PTX3: variants seen among roughly 807,000 people sequenced by gnomAD.
The protein encoded by PTX3 is pentraxin-related protein PTX3.
PTX3 carries 24 observed loss-of-function variants against 23.5 expected under a neutral mutation model. That is an observed-to-expected ratio of 1.02 (90% CI 0.74 to 1.43). The LOEUF is 1.43. Ranked by LOEUF, PTX3 falls within the 40% of genes most tolerant of loss-of-function variation. PTX3 has a pLI of 0.00. For synonymous variants in PTX3, 218 were observed against 205.4 expected, an observed-to-expected ratio of 1.06 and a Z score of -0.53; for missense variants, 510 against 497.5, an observed-to-expected ratio of 1.02 and a Z score of -0.24.
chr3:157,442,035 T>A lies in PTX3; in HGVS notation c.533-331T>A, dbSNP rs4028388. Reference sequence around the variant, plus strand: ...TTAACTGATAGTGATTCAACTTTTTTAAAAAAAAGCAGTAACAAAGAAAAT... The same window carrying A: ...TTAACTGATAGTGATTCAACTTTTTAAAAAAAAAGCAGTAACAAAGAAAAT... On this transcript the variant is annotated intron_variant, in intron 2 of 2. Coordinates refer to ENST00000295927, the MANE Select transcript of PTX3 (RefSeq NM_002852.4). Among the ~76,000 whole-genome samples, 1,119 of 152,074 alleles carry A rather than the reference T, an allele frequency of 7.4e-3. 14 individuals carry two copies. Among genetic ancestry groups the A allele is most frequent in the African/African-American group, 0.025 (1,041 of 41,480 alleles).
chr3:157,443,180 A>G lies in PTX3; in HGVS notation c.*201A>G. 2 of 581,138 alleles carry G rather than the reference A, an allele frequency of 3.4e-6. No homozygotes were observed. The allele number at this position is 581,138 out of a possible 1,614,324, so 36.0% of individuals were successfully genotyped here. ...ACATTGGAAAAAGCTTTTGAGGATA[A>G]TGTTACTAGACTTTATGCCATGGTG... On this transcript the variant is annotated 3_prime_UTR_variant, in exon 3 of 3. Coordinates refer to ENST00000295927, the MANE Select transcript of PTX3 (RefSeq NM_002852.4).
Position 157,437,664 on chromosome 3 carries a change from G to C in PTX3, c.282G>C (p.Arg94=). The C allele has an allele frequency of 6.5e-7, 1 of 1,540,678 alleles. No individual in the cohort carries two copies. The highest frequency in any genetic ancestry group is 8.7e-7 in the Non-Finnish European group (1 of 1,146,502). Residue 94 remains arginine, a synonymous_variant, in exon 2 of 3, where the codon CGG becomes CGC. Coordinates refer to ENST00000295927, the MANE Select transcript of PTX3 (RefSeq NM_002852.4). The part of the protein sequence containing the change: ...ELQRLREELG[R]LAESLARPCA... The stretch of plus-strand genomic sequence containing the variant: ...AGAGGCTGCGGGAGGAGCTGGGCCG[G>C]CTCGCGGAAAGCCTGGCGAGGCCGT...
Position 157,442,964 on chromosome 3 carries a change from T to A in PTX3, c.1131T>A (p.Ala377=). The stretch of plus-strand genomic sequence containing the variant: ...CAGAGATCCAGCCACATGGAGGAGC[T>A]CAGTATGTTTCATAAATGTTGTGAA... The part of the protein sequence containing the change: ...GVTEIQPHGG[A]QYVS The change falls in exon 3 of 3, where the codon GCT becomes GCA. Residue 377 remains alanine (A), a synonymous_variant. Transcript: ENST00000295927. 1 of 1,598,030 alleles carries A rather than the reference T, an allele frequency of 6.3e-7. No homozygotes were observed. Among genetic ancestry groups the A allele is most frequent in the Non-Finnish European group, 8.5e-7 (1 of 1,171,738 alleles).
chr3:157,437,933 C>T lies in PTX3; in HGVS notation c.532+19C>T. The T allele has an allele frequency of 6.5e-7, 1 of 1,526,912 alleles. No individual in the cohort carries two copies. The highest frequency in any genetic ancestry group is 8.7e-7 in the Non-Finnish European group (1 of 1,144,610). The allele number at this position is 1,526,912 out of a possible 1,614,324, so 94.6% of individuals were successfully genotyped here. A position where few individuals can be genotyped will look rare whatever the true frequency, so the allele number is the denominator to read the frequency against. On this transcript the variant is annotated intron_variant, in intron 2 of 2. Transcript: ENST00000295927. ...CCGGCAGGTAAGGAGGCAAGCGGGG[C>T]CGGGACCTCCCACTGCGGCTTTGTT...
At position 157,442,913 on chromosome 3, in the gene PTX3, G is replaced by A. The variant is rs1734253111; in HGVS notation, c.1080G>A (p.Arg360=). ...ETGGAESCHI[R]GNIVGWGVTE... is the part of the protein sequence containing the mutation. ...GAGGAGCAGAGTCTTGTCACATCCG[G>A]GGGAATATTGTTGGGTGGGGAGTCA... Residue 360 remains arginine, a synonymous_variant, in exon 3 of 3, where the codon CGG becomes CGA. Coordinates refer to ENST00000295927, the MANE Select transcript of PTX3 (RefSeq NM_002852.4). 1 of 1,613,952 alleles carries A rather than the reference G, an allele frequency of 6.2e-7. No homozygotes were observed. The highest frequency in any genetic ancestry group is 1.3e-5 in the African/African-American group (1 of 74,922).
Position 157,436,861 on chromosome 3 carries a change from C to G in PTX3, c.-73C>G. 1 of 1,531,988 alleles carries G rather than the reference C, an allele frequency of 6.5e-7. No homozygotes were observed. The highest frequency in any genetic ancestry group is 8.9e-7 in the Non-Finnish European group (1 of 1,124,316). 94.9% of individuals were successfully genotyped at this position (1,531,988 alleles called of 1,614,324 possible). ...TGCTCCAGCCTCTCACTCTCACTCT[C>G]CTCCGCTCAAACTCAGCTCACTTGA... On this transcript the variant is annotated 5_prime_UTR_variant, in exon 1 of 3. Coordinates refer to ENST00000295927, the MANE Select transcript of PTX3 (RefSeq NM_002852.4).
chr3:157,443,168 C>G lies in PTX3; in HGVS notation c.*189C>G. The G allele has an allele frequency of 1.5e-6, 1 of 652,008 alleles. No homozygotes were observed. The highest frequency in any genetic ancestry group is 2.8e-5 in the South Asian group (1 of 35,418). 40.4% of individuals were successfully genotyped at this position (652,008 alleles called of 1,614,324 possible). A position where few individuals can be genotyped will look rare whatever the true frequency, so the allele number is the denominator to read the frequency against. Reference sequence around the variant, plus strand: ...GTTGAAGGAAAGACATTGGAAAAAGCTTTTGAGGATAATGTTACTAGACTT... The same window carrying G: ...GTTGAAGGAAAGACATTGGAAAAAGGTTTTGAGGATAATGTTACTAGACTT... On this transcript the variant is annotated 3_prime_UTR_variant, in exon 3 of 3. Coordinates refer to ENST00000295927, the MANE Select transcript of PTX3 (RefSeq NM_002852.4).
Position 157,442,856 on chromosome 3 carries a change from T to G in PTX3, c.1023T>G (p.Ser341Arg). 1 of 1,614,134 alleles carries G rather than the reference T, an allele frequency of 6.2e-7. No individual in the cohort carries two copies. The stretch of plus-strand genomic sequence containing the variant: ...TCACAGGCTTCAATATCTGGGATAG[T>G]GTTCTTAGCAATGAAGAGATAAGAG... ...GRLTGFNIWD[S>R]VLSNEEIRET... Residue 341 changes from serine to arginine, a missense_variant, in exon 3 of 3, where the codon AGT becomes AGG. Physicochemically the swap from Ser to Arg is moderately radical, Grantham distance 110 (BLOSUM62 -1). Transcript: ENST00000295927.
chr3:157,443,015 A>C lies in PTX3; in HGVS notation c.*36A>C. ...ACTCCACTTGAAGCCAAAGAAAGAA[A>C]CTCACACTTAAAACACATGCCAGTT... On this transcript the variant is annotated 3_prime_UTR_variant, in exon 3 of 3. Transcript: ENST00000295927. 1 of 1,558,726 alleles carries C rather than the reference A, an allele frequency of 6.4e-7. No homozygotes were observed. The highest frequency in any genetic ancestry group is 8.7e-7 in the Non-Finnish European group (1 of 1,155,186).
chr3:157,438,039 A>C, intron 2 of PTX3, 125 bp downstream of exon 2: 1 of 436,400 alleles, frequency 2.3e-6, no homozygotes, highest in Non-Finnish European at 3.8e-6. Flanking sequence ...GCGCGCGCGC[A>C]CACACACACA....
chr3:157,437,905 C>A lies in PTX3; in HGVS notation c.523C>A (p.Leu175Met). 6.6e-7 allele frequency: 1 copy of A among 1,523,832 alleles called. No individual in the cohort carries two copies. The highest frequency in any genetic ancestry group is 8.7e-7 in the Non-Finnish European group (1 of 1,143,460). 94.4% of individuals were successfully genotyped at this position (1,523,832 alleles called of 1,614,324 possible). The change falls in exon 2 of 3, where the codon CTG becomes ATG. Residue 175 changes from leucine (L) to methionine (M), a missense_variant. Coordinates refer to ENST00000295927, the MANE Select transcript of PTX3 (RefSeq NM_002852.4). ...AVQGWAARSW[L>M]PAGCETAILF... ...GCAGGGCTGGGCTGCCCGGAGCTGG[C>A]TGCCGGCAGGTAAGGAGGCAAGCGG... is the stretch of plus-strand genomic sequence containing the variant.
In PTX3 at chr3:157,437,079, CTG is replaced by C. The variant is rs1350253796; in HGVS notation, c.130+18_130+19del. 5.0e-6 allele frequency: 8 copies of C among 1,612,606 alleles called. No homozygotes were observed. Among genetic ancestry groups the C allele is most frequent in the Non-Finnish European group, 6.8e-6 (8 of 1,178,778 alleles). On this transcript the variant is annotated intron_variant, in intron 1 of 2. Coordinates refer to ENST00000295927, the MANE Select transcript of PTX3 (RefSeq NM_002852.4). ...ACTGAGGACCGTAAGTTCACTTTAA[CTG>C]TTTCTCTGCTAACCCTGACTACATA...
In PTX3 at chr3:157,437,844, G is replaced by A; in HGVS notation, c.462G>A (p.Glu154=). The A allele has an allele frequency of 6.7e-7, 1 of 1,496,528 alleles. No individual in the cohort carries two copies. Among genetic ancestry groups the A allele is most frequent in the South Asian group, 1.2e-5 (1 of 80,612 alleles). 92.7% of individuals were successfully genotyped at this position (1,496,528 alleles called of 1,614,324 possible). The part of the protein sequence containing the change: ...EAGRALAAVL[E]ELRQTRADLH... The stretch of plus-strand genomic sequence containing the variant: ...GGCGCGCCCTGGCCGCGGTGCTAGA[G>A]GAGCTGCGGCAGACGCGAGCCGACC... The change falls in exon 2 of 3, where the codon GAG becomes GAA. Residue 154 remains glutamate, a synonymous_variant. Coordinates refer to ENST00000295927, the MANE Select transcript of PTX3 (RefSeq NM_002852.4).
Position 157,437,591 on chromosome 3 carries a change from A to T in PTX3, c.209A>T (p.Glu70Val). The T allele has an allele frequency of 6.3e-7, 1 of 1,583,394 alleles. No individual in the cohort carries two copies. Reference protein sequence around the residue: ...FIMLENSQMRERMLLQATDDV... With the variant: ...FIMLENSQMRVRMLLQATDDV... Reference sequence around the variant, plus strand: ...ATGCTGGAGAACTCGCAGATGAGAGAGCGCATGCTGCTGCAAGCCACGGAC... The same window carrying T: ...ATGCTGGAGAACTCGCAGATGAGAGTGCGCATGCTGCTGCAAGCCACGGAC... The change falls in exon 2 of 3, where the codon GAG becomes GTG. Residue 70 changes from glutamate (E) to valine (V), a missense_variant. Glu to Val is a moderately radical substitution (Grantham distance 121). Coordinates refer to ENST00000295927, the MANE Select transcript of PTX3 (RefSeq NM_002852.4).
intron 2 of PTX3, among the ~76,000 whole-genome samples, chr3:157,441,104 T>G (rs991010199): frequency 1.3e-5 from 2 of 152,192 alleles, no homozygotes; most frequent in Admixed American, 6.5e-5. Flanking sequence ...ATTATGGTGC[T>G]CATCCAAAGT....
chr3:157,440,843 A>G (rs904167449), intron 2 of PTX3, among the ~76,000 whole-genome samples: 3 of 152,138 alleles, frequency 2.0e-5, no homozygotes, highest in Admixed American at 6.5e-5. Context: ...CAAATTTGAA[A>G]GTCCCCCTCC....
chr3:157,437,960 C>T, intron 2 of PTX3, 46 bp downstream of exon 2: 1 of 1,511,030 alleles, frequency 6.6e-7, no homozygotes, highest in African/African-American at 1.4e-5. Flanking sequence ...GGCTTTGTTC[C>T]GGGAGCGCGC....
Position 157,437,791 on chromosome 3 carries a change from G to T in PTX3, c.409G>T (p.Ala137Ser), listed in dbSNP as rs1368509994. The change falls in exon 2 of 3, where the codon GCG becomes TCG. Residue 137 changes from alanine (A) to serine (S), a missense_variant. Coordinates refer to ENST00000295927, the MANE Select transcript of PTX3 (RefSeq NM_002852.4). ...AGRRLARMEGAEAQRPEEAGR... is the reference protein window; with the variant it reads ...AGRRLARMEGSEAQRPEEAGR... ...CCGCAGGCTGGCGCGTATGGAGGGCGCGGAGGCGCAGCGCCCAGAGGAGGC... is the reference window on the plus strand; with the variant it reads ...CCGCAGGCTGGCGCGTATGGAGGGCTCGGAGGCGCAGCGCCCAGAGGAGGC... The T allele has an allele frequency of 2.7e-6, 4 of 1,465,116 alleles. No individual in the cohort carries two copies. Among genetic ancestry groups the T allele is most frequent in the South Asian group, 1.4e-5 (1 of 74,006 alleles). The allele number at this position is 1,465,116 out of a possible 1,614,324, so 90.8% of individuals were successfully genotyped here. A position where few individuals can be genotyped will look rare whatever the true frequency, so the allele number is the denominator to read the frequency against.
At chr3:157,441,478 A>G (rs1335240788) in intron 2 of PTX3, among the ~76,000 whole-genome samples, 1 of 152,194 alleles carries the variant, frequency 6.6e-6, no homozygotes, top group African/African-American at 2.4e-5. Context: ...AAAACTCTGC[A>G]AAGTTTACAA....
Sources: allele counts gnomAD v4.1 joint callset (sites outside exome capture counted in the v4.1 genomes callset), GRCh38; gene constraint gnomAD v4.1.1; transcripts MANE v1.5; gene names NCBI Gene and HGNC (gene_info 2026-07-23, HGNC 2026-07-21).